The following ROS1 variants were observed in gnomAD, a reference collection of about 807,000 sequenced individuals.
ROS1 encodes proto-oncogene tyrosine-protein kinase ROS.
ROS1 carries 263 observed loss-of-function variants against 273.5 expected under a neutral mutation model. The observed-to-expected ratio is 0.96, with a 90% confidence interval of 0.87 to 1.06. The LOEUF (loss-of-function observed/expected upper bound fraction) is 1.06, where lower values mean the gene tolerates loss of function less well. ROS1 is among the 50% of genes least tolerant of loss of function. The pLI is 0.00. For synonymous variants in ROS1, 1,008 were observed against 954.1 expected, an observed-to-expected ratio of 1.06 and a Z score of -1.04; for missense variants, 2,833 against 2,751.1, an observed-to-expected ratio of 1.03 and a Z score of -0.67.
chr6:117,323,284 T>C (rs992744738), intron 35 of ROS1, among the ~76,000 whole-genome samples: 3 of 152,166 alleles, frequency 2.0e-5, no homozygotes, highest in Non-Finnish European at 4.4e-5. Flanking sequence ...CTCATAAAGA[T>C]TGTGACTCCA....
intron 35 of ROS1, among the ~76,000 whole-genome samples, chr6:117,323,878 C>T (rs545537): frequency 0.11 from 17,460 of 152,132 alleles, 1,096 homozygotes; most frequent in East Asian, 0.18. Context: ...AGAGGCCCTA[C>T]TCATTCCAAA....
intron 42 of ROS1, among the ~76,000 whole-genome samples, chr6:117,306,766 T>C: frequency 6.6e-6 from 1 of 152,114 alleles, no homozygotes; most frequent in East Asian, 1.9e-4. Flanking sequence ...AGGAGAGTAG[T>C]TAATCTTTAT....
chr6:117,366,038 T>C (rs528697023), intron 19 of ROS1, 38 bp downstream of exon 19: 5 of 1,450,558 alleles, frequency 3.4e-6, no homozygotes, highest in East Asian at 2.3e-5. Context: ...TAACTGAAGG[T>C]ATAGTGGAGT....
rs200795847 is a variant in ROS1 at position 117,420,595 on chromosome 6, AAATAATAAT to A, written c.124-2098_124-2090del. 1.9e-4 allele frequency among the ~76,000 whole-genome samples: 29 copies of A among 148,872 alleles called. No individual in the cohort carries two copies. The South Asian group carries it at 5.5e-3, about 28-fold the overall frequency. The stretch of plus-strand genomic sequence containing the variant: ...TAAAGTATAATAATAATAAAATTTT[AAATAATAAT>A]AATAATAATAATAATAAATGGAACA... On this transcript the variant is annotated intron_variant, in intron 1 of 43. Transcript: ENST00000368507.
At position 117,365,082 on chromosome 6, in the gene ROS1, C is replaced by T. The variant is rs557847839; in HGVS notation, c.3081G>A (p.Leu1027=). The change falls in exon 21 of 44, where the codon CTG becomes CTA. Residue 1027 remains leucine (L), a synonymous_variant. Transcript: ENST00000368507. ...TACCTGTTTCAGGTGCTCGAAGTGA[C>T]AGAGATGTTTTGGGGCCCTTTCCCC... ...TYWGKGPKTS[L]SLRAPETVPS... is the part of the protein sequence containing the mutation. 2.5e-6 allele frequency: 4 copies of T among 1,613,496 alleles called. No homozygotes were observed. Among genetic ancestry groups the T allele is most frequent in the Non-Finnish European group, 3.4e-6 (4 of 1,179,816 alleles).
rs1008170196 is a variant in ROS1 at position 117,356,839 on chromosome 6, G to A, written c.3916C>T (p.Arg1306Ter). The A allele has an allele frequency of 1.1e-5, 18 of 1,613,906 alleles. No individual in the cohort carries two copies. Among genetic ancestry groups the A allele is most frequent in the East Asian group, 2.2e-5 (1 of 44,890 alleles). ...YYSIISHTLH[R>*]ILQPTATNQQ... is the part of the protein sequence containing the mutation. ...TTTGTAGCTGTGGGTTGCAGAATTCGGTGCAAGGTGTGACTGATAATACTG... is the reference window on the plus strand; with the variant it reads ...TTTGTAGCTGTGGGTTGCAGAATTCAGTGCAAGGTGTGACTGATAATACTG... Residue 1306 changes from arginine to a stop codon, truncating the protein, a stop_gained, in exon 26 of 44, where the codon CGA (arginine) becomes TGA (stop). Coordinates refer to ENST00000368507, the MANE Select transcript of ROS1 (RefSeq NM_001378902.1). LOFTEE classifies it high-confidence loss of function.
intron 18 of ROS1, among the ~76,000 whole-genome samples, chr6:117,374,071 CA>C (rs1457306682): frequency 6.6e-6 from 1 of 152,166 alleles, no homozygotes; most frequent in Non-Finnish European, 1.5e-5. Context: ...CTGCCAAAAG[CA>C]ATCTACAAAT....
chr6:117,335,178 A>G (rs1424541435), intron 32 of ROS1, among the ~76,000 whole-genome samples: 1 of 152,168 alleles, frequency 6.6e-6, no homozygotes, highest in East Asian at 1.9e-4. Context: ...AAAAGTGGGC[A>G]AAAGATATGA....
intron 1 of ROS1, among the ~76,000 whole-genome samples, chr6:117,422,977 C>T (rs532440683): frequency 3.3e-4 from 50 of 152,002 alleles, no homozygotes; most frequent in African/African-American, 1.1e-3. Flanking sequence ...ATTGATACTC[C>T]TGAGCCCTTC....
intron 18 of ROS1, among the ~76,000 whole-genome samples, chr6:117,372,862 G>A (rs909075806): frequency 2.0e-5 from 3 of 152,200 alleles, no homozygotes; most frequent in African/African-American, 7.2e-5. Flanking sequence ...TGCCACAGCT[G>A]GCTTGGGCAG....
At chr6:117,344,011 A>G (rs75879427) in intron 28 of ROS1, 49 bp downstream of exon 28, 2 of 1,497,928 alleles carry the variant, frequency 1.3e-6, no homozygotes, top group Admixed American at 1.7e-5. Context: ...ATTTTATATC[A>G]AAAAAGAACA....
At chr6:117,376,587 A>G (rs1233421384) in intron 18 of ROS1, among the ~76,000 whole-genome samples, 1 of 152,162 alleles carries the variant, frequency 6.6e-6, no homozygotes, top group Non-Finnish European at 1.5e-5. Flanking sequence ...ACAAAGTCAT[A>G]TACAAAAAGC....
intron 4 of ROS1, among the ~76,000 whole-genome samples, chr6:117,411,954 G>T (rs1049547789): frequency 2.0e-5 from 3 of 152,190 alleles, no homozygotes; most frequent in Admixed American, 1.3e-4. Context: ...GTATAACTAG[G>T]CAGAGAAGGA....
intron 7 of ROS1, among the ~76,000 whole-genome samples, chr6:117,399,376 A>C (rs1773765892): frequency 6.6e-6 from 1 of 152,236 alleles, no homozygotes; most frequent in East Asian, 1.9e-4. Flanking sequence ...GTCCTAGGCC[A>C]GTGTTTGGTC....
intron 33 of ROS1, among the ~76,000 whole-genome samples, chr6:117,328,055 C>A (rs987782266): frequency 5.9e-5 from 9 of 152,190 alleles, no homozygotes; most frequent in Admixed American, 1.3e-4. Context: ...TCTACTGTTT[C>A]AAGCCACCCA....
chr6:117,411,219 ATCTC>A (rs3839368), intron 4 of ROS1, among the ~76,000 whole-genome samples: 72,328 of 133,292 alleles, frequency 0.54, 19,414 homozygotes, highest in South Asian at 0.69. Context: ...CCTTCTCTCA[ATCTC>A]TCTCTCTCTC....
intron 2 of ROS1, among the ~76,000 whole-genome samples, chr6:117,416,591 A>T (rs1775352689): frequency 6.6e-6 from 1 of 152,156 alleles, no homozygotes; most frequent in South Asian, 2.1e-4. Context: ...AAGCCAGAGA[A>T]CAGCCAACCT....
At chr6:117,319,697 T>C (rs1268925862) in intron 37 of ROS1, among the ~76,000 whole-genome samples, 171 bp downstream of exon 37, 1 of 152,150 alleles carries the variant, frequency 6.6e-6, no homozygotes, top group African/African-American at 2.4e-5. Flanking sequence ...AATGTTCCTA[T>C]GTAGGAAATG....
At chr6:117,404,472 T>C in intron 5 of ROS1, 44 bp from the exon 6 acceptor site, 4 of 1,595,580 alleles carry the variant, frequency 2.5e-6, no homozygotes, top group Non-Finnish European at 3.4e-6. Flanking sequence ...CTCCTGTCCA[T>C]CAGCGCAAGA....
Sources: gnomAD v4.1 joint callset for allele counts (sites outside exome capture counted in the v4.1 genomes callset) on GRCh38, gnomAD v4.1.1 for gene constraint, MANE v1.5 for transcripts, NCBI Gene and HGNC (gene_info 2026-07-23, HGNC 2026-07-21) for gene names.